SMOC2: variants seen among roughly 807,000 people sequenced by gnomAD.
SMOC2 encodes the protein SPARC-related modular calcium-binding protein 2.
SMOC2 carries 39 observed loss-of-function variants against 61.4 expected under a neutral mutation model. That is an observed-to-expected ratio of 0.64 (90% confidence interval 0.49 to 0.83). The LOEUF is 0.83. Ranked by LOEUF, SMOC2 falls within the 40% of genes least tolerant of loss-of-function variation. The pLI is 0.00. For synonymous variants in SMOC2, 247 were observed against 239.9 expected (o/e 1.03, Z -0.27); for missense variants, 556 against 592.9 (o/e 0.94, Z 0.65).
chr6:168,530,418 A>T (rs1884476), intron 4 of SMOC2, among the ~76,000 whole-genome samples: 1 of 151,896 alleles, frequency 6.6e-6, no homozygotes, highest in Admixed American at 6.6e-5. Flanking sequence ...CCTATTAATC[A>T]GATAATATAA....
chr6:168,523,078 A>AGTTC, intron 2 of SMOC2, among the ~76,000 whole-genome samples: 1 of 40,800 alleles, frequency 2.5e-5, no homozygotes, highest in African/African-American at 4.5e-5. Context: ...GTTGTACAGT[A>AGTTC]ATTTTTTTTT....
intron 2 of SMOC2, among the ~76,000 whole-genome samples, chr6:168,512,397 T>C (rs1238996744): frequency 6.6e-6 from 1 of 152,204 alleles, no homozygotes; most frequent in Non-Finnish European, 1.5e-5. Flanking sequence ...TGAGTCTTGC[T>C]GTGCTGAAGC....
intron 1 of SMOC2, among the ~76,000 whole-genome samples, chr6:168,467,678 C>T (rs1359385309): frequency 6.6e-6 from 1 of 152,270 alleles, no homozygotes; most frequent in East Asian, 1.9e-4. Context: ...GGATCTCAAA[C>T]TCCTGGGCTC....
intron 1 of SMOC2, among the ~76,000 whole-genome samples, chr6:168,465,183 C>G (rs939094136): frequency 6.6e-6 from 1 of 152,256 alleles, no homozygotes; most frequent in Middle Eastern, 3.2e-3. Context: ...CTCTTTTTAA[C>G]AACAAAATGA....
intron 1 of SMOC2, among the ~76,000 whole-genome samples, chr6:168,506,963 G>A (rs1191942412): frequency 3.3e-5 from 5 of 152,176 alleles, no homozygotes; most frequent in Admixed American, 3.3e-4. Flanking sequence ...GTCTTCCTGT[G>A]AAATTTAATT....
intron 1 of SMOC2, among the ~76,000 whole-genome samples, chr6:168,457,397 G>A (rs1781610750): frequency 6.6e-6 from 1 of 152,190 alleles, no homozygotes; most frequent in Non-Finnish European, 1.5e-5. Context: ...CTGGCTGACT[G>A]CGATGGACTC....
At chr6:168,521,941 C>G (rs73791054) in intron 2 of SMOC2, among the ~76,000 whole-genome samples, 1 of 152,092 alleles carries the variant, frequency 6.6e-6, no homozygotes, top group South Asian at 2.1e-4. Flanking sequence ...TATAAAGTCC[C>G]GGCTCTGCAG....
At chr6:168,499,395 A>G (rs1239203225) in intron 1 of SMOC2, among the ~76,000 whole-genome samples, 1 of 152,202 alleles carries the variant, frequency 6.6e-6, no homozygotes, top group Non-Finnish European at 1.5e-5. Context: ...GTCACTGGGT[A>G]ATCACTCCCC....
At chr6:168,466,403 C>T (rs1285391270) in intron 1 of SMOC2, among the ~76,000 whole-genome samples, 2 of 152,178 alleles carry the variant, frequency 1.3e-5, no homozygotes, top group Admixed American at 6.5e-5. Context: ...AGCTGGAGTC[C>T]TGCTCTCGTG....
intron 7 of SMOC2, among the ~76,000 whole-genome samples, chr6:168,574,804 C>T (rs1475661871): frequency 6.6e-6 from 1 of 152,196 alleles, no homozygotes; most frequent in Admixed American, 6.5e-5. Context: ...CAGGAGGGCC[C>T]TCCTTTCTCC....
At chr6:168,656,507 TAAAAAAAAAAAAA>T (rs5881805) in intron 11 of SMOC2, among the ~76,000 whole-genome samples, 5 of 86,800 alleles carry the variant, frequency 5.8e-5, no homozygotes, top group African/African-American at 2.0e-4. Context: ...GACTTTGTGT[TAAAAAAAAAAAAA>T]AAAAAAAAAA....
chr6:168,585,712 T>G (rs1304743735), intron 7 of SMOC2, among the ~76,000 whole-genome samples: 1 of 152,274 alleles, frequency 6.6e-6, no homozygotes, highest in Non-Finnish European at 1.5e-5. Flanking sequence ...CATGTGGTGC[T>G]GCCTCATGGT....
intron 7 of SMOC2, among the ~76,000 whole-genome samples, chr6:168,575,261 G>T (rs1056346027): frequency 1.3e-5 from 2 of 152,164 alleles, no homozygotes; most frequent in Non-Finnish European, 2.9e-5. Context: ...ATGACAGTAG[G>T]TTATAAAGTG....
At chr6:168,565,489 C>T (rs568551095) in intron 7 of SMOC2, among the ~76,000 whole-genome samples, 27 of 152,328 alleles carry the variant, frequency 1.8e-4, no homozygotes, top group African/African-American at 5.8e-4. Context: ...ATCAATTATA[C>T]TGGATCAGGG....
chr6:168,463,690 A>G (rs1387373403), intron 1 of SMOC2, among the ~76,000 whole-genome samples: 1 of 152,158 alleles, frequency 6.6e-6, no homozygotes, highest in Non-Finnish European at 1.5e-5. Context: ...CTGTGCTTAC[A>G]GAGAGCATCA....
chr6:168,519,559 T>C (rs963439274), intron 2 of SMOC2, among the ~76,000 whole-genome samples: 3 of 152,180 alleles, frequency 2.0e-5, no homozygotes, highest in African/African-American at 7.2e-5. Context: ...TGTGCAGCCG[T>C]GATCAGAAAC....
At chr6:168,554,586 C>G (rs924293781) in intron 7 of SMOC2, among the ~76,000 whole-genome samples, 2 of 152,230 alleles carry the variant, frequency 1.3e-5, no homozygotes, top group Non-Finnish European at 2.9e-5. Context: ...TCTGGGACTG[C>G]GTGTCCTGGA....
chr6:168,536,116 C>T (rs906780126), intron 4 of SMOC2, among the ~76,000 whole-genome samples: 1 of 152,204 alleles, frequency 6.6e-6, no homozygotes, highest in African/African-American at 2.4e-5. Context: ...TTGCTTTCTG[C>T]CGAGTTTCCA....
chr6:168,602,390 T>C (rs1785574729), intron 8 of SMOC2, among the ~76,000 whole-genome samples: 1 of 152,220 alleles, frequency 6.6e-6, no homozygotes, highest in Admixed American at 6.5e-5. Context: ...GTTCATGTTA[T>C]AGCTGTTAGG....
Sources: gnomAD v4.1 joint callset for allele counts (sites outside exome capture counted in the v4.1 genomes callset) on GRCh38, gnomAD v4.1.1 for gene constraint, MANE v1.5 for transcripts, NCBI Gene and HGNC (gene_info 2026-07-23, HGNC 2026-07-21) for gene names.